DIAPH3: variants seen among roughly 807,000 people sequenced by gnomAD.
DIAPH3 encodes the protein protein diaphanous homolog 3.
In DIAPH3, 117 loss-of-function variants were observed where a neutral mutation model predicts 144.3. The ratio of observed to expected loss-of-function variants is 0.81; its 90% CI spans 0.70 to 0.95. The LOEUF is 0.95. DIAPH3 is among the 40% of genes least tolerant of loss of function. The pLI is 0.00. For synonymous variants in DIAPH3, 519 were observed against 488.9 expected (o/e 1.06, Z -0.81); for missense variants, 1,421 against 1,412.7 (o/e 1.01, Z -0.09).
chr13:60,024,619 T>G (rs1451265330), intron 5 of DIAPH3, among the ~76,000 whole-genome samples: 1 of 152,248 alleles, frequency 6.6e-6, no homozygotes, highest in Non-Finnish European at 1.5e-5. Context: ...ATCTATTGTC[T>G]TTTTTCATTC....
chr13:60,074,565 T>C (rs2670474), intron 4 of DIAPH3, among the ~76,000 whole-genome samples: 85,622 of 151,998 alleles, frequency 0.56, 24,730 homozygotes, highest in African/African-American at 0.62. Flanking sequence ...CTCACTACTC[T>C]TTTTTAAGTA....
intron 1 of DIAPH3, among the ~76,000 whole-genome samples, chr13:60,143,178 G>C (rs1454111086): frequency 6.6e-6 from 1 of 152,034 alleles, no homozygotes; most frequent in Non-Finnish European, 1.5e-5. Flanking sequence ...TCAATACCTG[G>C]CTCACCTTTC....
At chr13:59,748,128 G>T (rs867458577) in intron 27 of DIAPH3, among the ~76,000 whole-genome samples, 1 of 152,140 alleles carries the variant, frequency 6.6e-6, no homozygotes, top group South Asian at 2.1e-4. Context: ...GTAGAGTTCC[G>T]GGTACCAAAA....
chr13:60,037,974 C>A (rs1423709340), intron 5 of DIAPH3, among the ~76,000 whole-genome samples: 1 of 151,926 alleles, frequency 6.6e-6, no homozygotes, highest in Non-Finnish European at 1.5e-5. Flanking sequence ...CAGAAGAATG[C>A]ATGGAAGATG....
chr13:59,839,669 T>C (rs529770174), intron 22 of DIAPH3, among the ~76,000 whole-genome samples: 1 of 152,264 alleles, frequency 6.6e-6, no homozygotes, highest in Admixed American at 6.5e-5. Flanking sequence ...ATTTAAGAAA[T>C]GCTCACACAC....
At chr13:60,014,420 C>T (rs986918400) in intron 7 of DIAPH3, among the ~76,000 whole-genome samples, 1 of 152,058 alleles carries the variant, frequency 6.6e-6, no homozygotes, top group African/African-American at 2.4e-5. Context: ...GTGATTCCTA[C>T]ATCACATATT....
chr13:59,943,942 T>C (rs1470119092), intron 17 of DIAPH3, among the ~76,000 whole-genome samples: 1 of 152,152 alleles, frequency 6.6e-6, no homozygotes, highest in Non-Finnish European at 1.5e-5. Flanking sequence ...CTGGGCACGG[T>C]AGCTCATGCC....
intron 23 of DIAPH3, 62 bp from the exon 24 acceptor site, chr13:59,833,333 CTG>C: frequency 1.5e-6 from 2 of 1,330,788 alleles, no homozygotes; most frequent in Non-Finnish European, 2.1e-6. Flanking sequence ...AGGGGGAACT[CTG>C]TAAATCCAAT....
chr13:59,917,082 T>C (rs1249885459), intron 18 of DIAPH3, among the ~76,000 whole-genome samples: 1 of 152,154 alleles, frequency 6.6e-6, no homozygotes, highest in Non-Finnish European at 1.5e-5. Flanking sequence ...TGCAAATCAA[T>C]AGCCTATTAT....
At chr13:59,725,213 A>C (rs1408020391) in intron 27 of DIAPH3, among the ~76,000 whole-genome samples, 1 of 152,214 alleles carries the variant, frequency 6.6e-6, no homozygotes, top group Non-Finnish European at 1.5e-5. Context: ...CTAATATGGC[A>C]GTTGTTTTTC....
At chr13:59,969,734 A>G (rs959488715) in intron 17 of DIAPH3, among the ~76,000 whole-genome samples, 1 of 152,190 alleles carries the variant, frequency 6.6e-6, no homozygotes, top group Non-Finnish European at 1.5e-5. Context: ...AAAATTTAAT[A>G]ATCAAAATTT....
intron 17 of DIAPH3, among the ~76,000 whole-genome samples, chr13:59,948,576 C>T (rs1434517195): frequency 6.6e-6 from 1 of 152,144 alleles, no homozygotes; most frequent in East Asian, 1.9e-4. Context: ...CTTGGCCTCC[C>T]ATGTAGCTAG....
At chr13:59,745,674 T>C (rs1325623220) in intron 27 of DIAPH3, among the ~76,000 whole-genome samples, 1 of 152,174 alleles carries the variant, frequency 6.6e-6, no homozygotes, top group Non-Finnish European at 1.5e-5. Context: ...CAATGTATTA[T>C]ACTAGCTAGG....
intron 27 of DIAPH3, among the ~76,000 whole-genome samples, chr13:59,744,192 T>C (rs2036598086): frequency 1.3e-5 from 2 of 152,178 alleles, no homozygotes; most frequent in South Asian, 4.1e-4. Flanking sequence ...AACCCCACAT[T>C]TTAATGATGG....
intron 27 of DIAPH3, among the ~76,000 whole-genome samples, chr13:59,691,959 T>C (rs1461417668): frequency 6.6e-6 from 1 of 152,084 alleles, no homozygotes; most frequent in Non-Finnish European, 1.5e-5. Context: ...ACTCAAATAC[T>C]TCATTCAGCC....
chr13:60,133,220 A>T (rs1408329002), intron 1 of DIAPH3, among the ~76,000 whole-genome samples: 1 of 152,046 alleles, frequency 6.6e-6, no homozygotes. Flanking sequence ...TTACTTTGTA[A>T]AACTCACAAA....
At position 59,919,919 on chromosome 13, in the gene DIAPH3, AAG is replaced by A. The variant is rs751019688; in HGVS notation, c.2171-3672_2171-3671del. On this transcript the variant is annotated intron_variant, in intron 18 of 27. Transcript: ENST00000400324. The stretch of plus-strand genomic sequence containing the variant: ...ACATCAAAAATTCAAAATTCAAGGA[AAG>A]AGTAAAATTAATATGTAGTTTTATT... Among the ~76,000 whole-genome samples, 43 of 152,136 alleles carry A rather than the reference AAG, an allele frequency of 2.8e-4. 1 individual carries two copies. In the East Asian group the frequency reaches 6.2e-3, roughly 22 times the overall value.
At chr13:59,853,047 C>T (rs1243617581) in intron 22 of DIAPH3, among the ~76,000 whole-genome samples, 1 of 152,050 alleles carries the variant, frequency 6.6e-6, no homozygotes, top group Non-Finnish European at 1.5e-5. Flanking sequence ...GGGTTAAGTA[C>T]TAATATTGCA....
intron 25 of DIAPH3, among the ~76,000 whole-genome samples, chr13:59,803,150 A>G (rs2040026060): frequency 6.6e-6 from 1 of 152,220 alleles, no homozygotes. Context: ...ATTATAATAC[A>G]ATAAATGTGG....
Sources: allele counts gnomAD v4.1 joint callset (sites outside exome capture counted in the v4.1 genomes callset), GRCh38; gene constraint gnomAD v4.1.1; transcripts MANE v1.5; gene names NCBI Gene and HGNC (gene_info 2026-07-23, HGNC 2026-07-21).